PRKN: variants seen among roughly 807,000 people sequenced by gnomAD.
PRKN encodes parkin RBR E3 ubiquitin protein ligase, also known as E3 ubiquitin-protein ligase parkin.
A neutral mutation model predicts 59.5 loss-of-function variants in PRKN; 56 were observed. That is an observed-to-expected ratio of 0.94 (90% CI 0.76 to 1.18). PRKN has a LOEUF of 1.18. Ranked by LOEUF, PRKN falls within the 50% of genes most tolerant of loss-of-function variation. The probability of loss-of-function intolerance (pLI) is 0.00; values close to 1 mark genes in which losing one functional copy is unlikely to be tolerated. For missense variants in PRKN, 657 were observed against 596.4 expected (o/e 1.10, Z -1.06); for synonymous variants, 250 against 222.1 (o/e 1.13, Z -1.12).
At chr6:161,817,999 T>C (rs1045903107) in intron 6 of PRKN, among the ~76,000 whole-genome samples, 4 of 152,102 alleles carry the variant, frequency 2.6e-5, no homozygotes, top group African/African-American at 7.2e-5. Flanking sequence ...GTAGGAGCCA[T>C]GGAAACAGAG....
At chr6:161,732,402 T>A (rs557363901) in intron 7 of PRKN, among the ~76,000 whole-genome samples, 1 of 152,172 alleles carries the variant, frequency 6.6e-6, no homozygotes, top group East Asian at 1.9e-4. Context: ...CATGCTCAGG[T>A]AGGCTCCAGT....
chr6:161,556,603 T>C lies in PRKN; in HGVS notation c.934-7600A>G, dbSNP rs569767542. 5.9e-5 allele frequency among the ~76,000 whole-genome samples: 9 copies of C among 152,346 alleles called. No homozygotes were observed. The South Asian group carries it at 1.7e-3, about 28-fold the overall frequency. On this transcript the variant is annotated intron_variant, in intron 8 of 11. Transcript: ENST00000366898. ...ACTAGCACTAATACAGAATACTGTA[T>C]TTATCTCAGTATAAAATATGTGTGA...
chr6:162,687,486 A>C (rs2128234314), intron 1 of PRKN, among the ~76,000 whole-genome samples: 1 of 152,128 alleles, frequency 6.6e-6, no homozygotes, highest in South Asian at 2.1e-4. Context: ...GACTGGCCAC[A>C]AAAGAGTCTT....
At chr6:161,977,535 T>A (rs964081915) in intron 5 of PRKN, among the ~76,000 whole-genome samples, 9 of 98,426 alleles carry the variant, frequency 9.1e-5, no homozygotes, top group Non-Finnish European at 1.9e-4. Flanking sequence ...TACTTTCTGT[T>A]TTTTTGGTTT....
At chr6:162,227,067 A>G (rs773202902) in intron 3 of PRKN, among the ~76,000 whole-genome samples, 2 of 152,218 alleles carry the variant, frequency 1.3e-5, no homozygotes, top group Non-Finnish European at 1.5e-5. Flanking sequence ...CAGGAGGAGC[A>G]CAATGGATAA....
At position 161,419,129 on chromosome 6, in the gene PRKN, G is replaced by A. The variant is rs574071003; in HGVS notation, c.1084-32252C>T. Among the ~76,000 whole-genome samples, 106 of 152,328 alleles carry A rather than the reference G, an allele frequency of 7.0e-4. 1 individual carries two copies. The highest frequency in any genetic ancestry group is 6.8e-3 in the Middle Eastern group (2 of 294). On this transcript the variant is annotated intron_variant, in intron 9 of 11. Coordinates refer to ENST00000366898, the MANE Select transcript of PRKN (RefSeq NM_004562.3). This position sits in a 1 kb window ranked among gnomAD's most constrained non-coding sequence, Gnocchi z 4.1. ...AAGGTCATTAGTGTTCACTAAATGC[G>A]TAGCTATGCAATGAAAATGGTGAGA... is the stretch of plus-strand genomic sequence containing the variant.
rs1162832684 is a variant in PRKN at position 161,429,844 on chromosome 6, T to G, written c.1084-42967A>C. Reference sequence around the variant, plus strand: ...AGAGAAGACTTCATTTTAATTCTTGTCAGGAACTGTGAAGGATCCAAGATT... The same window carrying G: ...AGAGAAGACTTCATTTTAATTCTTGGCAGGAACTGTGAAGGATCCAAGATT... On this transcript the variant is annotated intron_variant, in intron 9 of 11. Transcript: ENST00000366898. The surrounding 1 kb of genome is among the most constrained non-coding windows in gnomAD (Gnocchi z 4.2). Among the ~76,000 whole-genome samples the G allele has an allele frequency of 6.6e-6, 1 of 152,154 alleles. No individual in the cohort carries two copies. The highest frequency in any genetic ancestry group is 1.5e-5 in the Non-Finnish European group (1 of 68,032).
At chr6:162,542,775 G>T (rs1778973751) in intron 1 of PRKN, among the ~76,000 whole-genome samples, 1 of 152,074 alleles carries the variant, frequency 6.6e-6, no homozygotes, top group Admixed American at 6.6e-5. Context: ...AGCAAACACT[G>T]ACCATCACCT....
At chr6:162,168,556 CAAAAAAAAAAAAAA>C (rs771060815) in intron 4 of PRKN, among the ~76,000 whole-genome samples, 8 of 47,316 alleles carry the variant, frequency 1.7e-4, no homozygotes, top group African/African-American at 6.1e-4. Context: ...ATCTGTTTTA[CAAAAAAAAAAAAAA>C]AAAAAAAAAA....
At chr6:161,807,274 CAT>C in intron 6 of PRKN, among the ~76,000 whole-genome samples, 1 of 152,294 alleles carries the variant, frequency 6.6e-6, no homozygotes, top group Admixed American at 6.5e-5. Context: ...CACATACACA[CAT>C]AAACATGCTT....
chr6:162,392,741 G>T (rs767388139), intron 2 of PRKN, among the ~76,000 whole-genome samples: 4 of 152,142 alleles, frequency 2.6e-5, no homozygotes, highest in Non-Finnish European at 5.9e-5. Flanking sequence ...TAAGCTCCTT[G>T]AAGTAATTTT....
In PRKN at chr6:162,185,592, T is replaced by C. The variant is rs148255839; in HGVS notation, c.534+15539A>G. Reference sequence around the variant, plus strand: ...TTTCCCTCCAGGAAAAACTAGTGAGTAACAGCTTAGTCTAAATGACAGCAG... The same window carrying C: ...TTTCCCTCCAGGAAAAACTAGTGAGCAACAGCTTAGTCTAAATGACAGCAG... On this transcript the variant is annotated intron_variant, in intron 4 of 11. Coordinates refer to ENST00000366898, the MANE Select transcript of PRKN (RefSeq NM_004562.3). Among the ~76,000 whole-genome samples the C allele has an allele frequency of 2.3e-3, 348 of 152,206 alleles. 1 individual carries two copies. The highest frequency in any genetic ancestry group is 7.8e-3 in the African/African-American group (324 of 41,538).
chr6:162,227,010 C>A lies in PRKN; in HGVS notation c.413-25758G>T, dbSNP rs1778206477. ...CCAGAAAGTGCTGACAGCCGGCTGG[C>A]TGCCTGGCTGGCTCTCCTGCAAATG... On this transcript the variant is annotated intron_variant, in intron 3 of 11. Coordinates refer to ENST00000366898, the MANE Select transcript of PRKN (RefSeq NM_004562.3). 1.3e-5 allele frequency among the ~76,000 whole-genome samples: 2 copies of A among 152,194 alleles called. 1 individual carries two copies. Among genetic ancestry groups the A allele is most frequent in the South Asian group, 4.1e-4 (2 of 4,828 alleles).
chr6:162,148,912 T>C (rs1203091199), intron 4 of PRKN, among the ~76,000 whole-genome samples: 3 of 152,198 alleles, frequency 2.0e-5, no homozygotes, highest in African/African-American at 4.8e-5. Flanking sequence ...TTTTAGACAA[T>C]TGCAGGTTCA....
chr6:161,488,915 T>C lies in PRKN; in HGVS notation c.1083+59939A>G, dbSNP rs1777441759. ...GAAGAGGAATTAAGGCAATGGAAAA[T>C]AGAACACAGACCCTTGGAGATGAAG... On this transcript the variant is annotated intron_variant, in intron 9 of 11. Transcript: ENST00000366898. The surrounding 1 kb of genome is among the most constrained non-coding windows in gnomAD (Gnocchi z 4.5). Among the ~76,000 whole-genome samples, 1 of 152,044 alleles carries C rather than the reference T, an allele frequency of 6.6e-6. No individual in the cohort carries two copies. Among genetic ancestry groups the C allele is most frequent in the Non-Finnish European group, 1.5e-5 (1 of 68,026 alleles).
chr6:162,213,600 A>G (rs960385393), intron 3 of PRKN, among the ~76,000 whole-genome samples: 1 of 151,952 alleles, frequency 6.6e-6, no homozygotes, highest in African/African-American at 2.4e-5. Context: ...ATGGTGGCAC[A>G]TGCCTGTACC....
chr6:162,502,299 C>T (rs992965376), intron 1 of PRKN, among the ~76,000 whole-genome samples: 22 of 152,212 alleles, frequency 1.4e-4, no homozygotes, highest in African/African-American at 5.1e-4. Context: ...TAGCTGAGAC[C>T]AGAGGTGTGC....
intron 5 of PRKN, among the ~76,000 whole-genome samples, chr6:162,006,605 C>G (rs543240035): frequency 6.6e-6 from 1 of 152,320 alleles, no homozygotes; most frequent in East Asian, 1.9e-4. Flanking sequence ...CTCCTTTCAG[C>G]TCTTCAGATA....
intron 2 of PRKN, among the ~76,000 whole-genome samples, chr6:162,371,314 G>C (rs940439583): frequency 6.6e-6 from 1 of 152,134 alleles, no homozygotes; most frequent in Non-Finnish European, 1.5e-5. Context: ...TTAGAAAGCA[G>C]TGTGGTGACC....
Sources: gnomAD v4.1 joint callset for allele counts (sites outside exome capture counted in the v4.1 genomes callset) on GRCh38, gnomAD v4.1.1 for gene constraint, Gnocchi (gnomAD v3.1) non-coding constraint, MANE v1.5 for transcripts, NCBI Gene and HGNC (gene_info 2026-07-23, HGNC 2026-07-21) for gene names.